SPRED1: variants seen among roughly 807,000 people sequenced by gnomAD.
SPRED1 encodes sprouty-related, EVH1 domain-containing protein 1.
Under a neutral mutation model 52.3 loss-of-function variants are expected in SPRED1, and 18 were observed. The ratio of observed to expected loss-of-function variants is 0.34; its 90% CI spans 0.24 to 0.51. The LOEUF is 0.51. Ranked by LOEUF, SPRED1 falls within the 20% of genes least tolerant of loss-of-function variation. The pLI, the probability that SPRED1 is intolerant of heterozygous loss-of-function variation, is 0.97. For synonymous variants in SPRED1, 155 were observed against 179.7 expected (o/e 0.86, Z 1.10); for missense variants, 485 against 551.0 (o/e 0.88, Z 1.20).
chr15:38,253,200 G>C lies in SPRED1; in HGVS notation c.15G>C (p.Thr5=), dbSNP rs1278027767. Reference sequence around the variant, plus strand: ...GTGAGGGAAAGATGAGCGAGGAGACGGCGACTTCTGACAACGAGTAAGCGC... The same window carrying C: ...GTGAGGGAAAGATGAGCGAGGAGACCGCGACTTCTGACAACGAGTAAGCGC... MSEE[T]ATSDNDNSYA... Residue 5 remains threonine (T), a synonymous_variant, in exon 1 of 7, where the codon ACG becomes ACC. Coordinates refer to ENST00000299084, the MANE Select transcript of SPRED1 (RefSeq NM_152594.3). The C allele has an allele frequency of 3.8e-6, 6 of 1,580,576 alleles. No homozygotes were observed. Among genetic ancestry groups the C allele is most frequent in the East Asian group, 2.3e-5 (1 of 43,124 alleles).
At chr15:38,336,336 G>A (rs1339231235) in intron 4 of SPRED1, among the ~76,000 whole-genome samples, 2 of 148,368 alleles carry the variant, frequency 1.3e-5, no homozygotes, top group Non-Finnish European at 3.0e-5. Context: ...ACAAAAATAT[G>A]GAACCAGCCC....
chr15:38,260,573 T>C (rs1251059739), intron 1 of SPRED1, among the ~76,000 whole-genome samples: 1 of 152,202 alleles, frequency 6.6e-6, no homozygotes, highest in Non-Finnish European at 1.5e-5. Flanking sequence ...TTTATAGTCA[T>C]CACTAATTTG....
chr15:38,332,446 A>G (rs1895823714), intron 4 of SPRED1, among the ~76,000 whole-genome samples: 1 of 152,044 alleles, frequency 6.6e-6, no homozygotes, highest in Non-Finnish European at 1.5e-5. Flanking sequence ...GATGGAGTCC[A>G]CCTGTAGTCC....
chr15:38,253,032 A>G lies in SPRED1; in HGVS notation c.-154A>G. On this transcript the variant is annotated 5_prime_UTR_variant, in exon 1 of 7. Coordinates refer to ENST00000299084, the MANE Select transcript of SPRED1 (RefSeq NM_152594.3). Reference sequence around the variant, plus strand: ...GGCCGGGGTTCCCGGCTGGGGGGGTACCGTTCTGGGTGAGGCATCCACCAT... The same window carrying G: ...GGCCGGGGTTCCCGGCTGGGGGGGTGCCGTTCTGGGTGAGGCATCCACCAT... The G allele has an allele frequency of 1.4e-6, 1 of 693,908 alleles. No homozygotes were observed. The highest frequency in any genetic ancestry group is 2.6e-6 in the Non-Finnish European group (1 of 388,156). The allele number at this position is 693,908 out of a possible 1,614,324, so 43.0% of individuals were successfully genotyped here. A position where few individuals can be genotyped will look rare whatever the true frequency, so the allele number is the denominator to read the frequency against.
At chr15:38,320,848 A>G (rs991306347) in intron 2 of SPRED1, among the ~76,000 whole-genome samples, 2 of 152,344 alleles carry the variant, frequency 1.3e-5, no homozygotes, top group African/African-American at 2.4e-5. Flanking sequence ...GACAACTAAC[A>G]TATATTAAAA....
At chr15:38,323,857 G>A (rs965082862) in intron 3 of SPRED1, among the ~76,000 whole-genome samples, 1 of 152,116 alleles carries the variant, frequency 6.6e-6, no homozygotes, top group Non-Finnish European at 1.5e-5. Flanking sequence ...TTATGCTCAT[G>A]TACCATAACA....
rs373463622 is a variant in SPRED1, at chr15:38,310,153, G to GTGTGTGTGTTTT, written c.207+10607_207+10608insGTGTGTGTTTTT. On this transcript the variant is annotated intron_variant, in intron 2 of 6. Transcript: ENST00000299084. ...TGTGTGTGTGTGTGTGTGTGTGTGT[G>GTGTGTGTGTTTT]TTTGGAGACGAAGTTTCGCTCTTGT... 8.1e-4 allele frequency among the ~76,000 whole-genome samples: 107 copies of GTGTGTGTGTTTT among 132,266 alleles called. 2 individuals carry two copies. In the South Asian group the frequency reaches 0.013, roughly 16 times the overall value. The allele number at this position is 132,266 out of a possible 152,430, so 86.8% of individuals were successfully genotyped here. A position where few individuals can be genotyped will look rare whatever the true frequency, so the allele number is the denominator to read the frequency against.
intron 4 of SPRED1, among the ~76,000 whole-genome samples, chr15:38,333,365 T>C (rs1195625532): frequency 6.6e-6 from 1 of 152,068 alleles, no homozygotes; most frequent in Non-Finnish European, 1.5e-5. Flanking sequence ...AAACATCAGA[T>C]GCTAACAGAA....
intron 1 of SPRED1, among the ~76,000 whole-genome samples, chr15:38,272,485 G>T (rs1348472286): frequency 6.6e-6 from 1 of 152,092 alleles, no homozygotes; most frequent in Non-Finnish European, 1.5e-5. Context: ...GGCTAGGCTG[G>T]TCTCGAACTC....
intron 2 of SPRED1, among the ~76,000 whole-genome samples, chr15:38,308,023 T>C (rs1039977209): frequency 6.6e-6 from 1 of 152,178 alleles, no homozygotes; most frequent in African/African-American, 2.4e-5. Flanking sequence ...TCTTTGGGAA[T>C]TTAAAGGAAT....
chr15:38,338,265 T>A (rs2141006599), intron 4 of SPRED1, among the ~76,000 whole-genome samples: 1 of 147,676 alleles, frequency 6.8e-6, no homozygotes, highest in East Asian at 2.0e-4. Flanking sequence ...GACAAGATTC[T>A]AACTTAGGTC....
intron 1 of SPRED1, among the ~76,000 whole-genome samples, chr15:38,277,265 GT>G (rs1322787675): frequency 1.3e-5 from 2 of 152,016 alleles, no homozygotes; most frequent in African/African-American, 4.8e-5. Context: ...TTTTTGATCT[GT>G]TCCCTCCTCC....
chr15:38,262,649 A>G (rs555234608), intron 1 of SPRED1, among the ~76,000 whole-genome samples: 65 of 152,314 alleles, frequency 4.3e-4, no homozygotes, highest in African/African-American at 1.4e-3. Context: ...TATATCACCA[A>G]CTGTGGGGCA....
intron 2 of SPRED1, among the ~76,000 whole-genome samples, chr15:38,315,450 G>C (rs1393351556): frequency 2.0e-5 from 3 of 151,800 alleles, no homozygotes; most frequent in African/African-American, 2.4e-5. Flanking sequence ...TTTTGGCTTG[G>C]TCTATTTTAA....
At chr15:38,322,464 T>C in intron 3 of SPRED1, 55 bp downstream of exon 3, 11 of 1,580,468 alleles carry the variant, frequency 7.0e-6, no homozygotes, top group Non-Finnish European at 8.7e-6. Flanking sequence ...ATAGTAGAGG[T>C]TATCTTTCTT....
At chr15:38,284,247 G>C (rs940863310) in intron 1 of SPRED1, among the ~76,000 whole-genome samples, 3 of 152,010 alleles carry the variant, frequency 2.0e-5, no homozygotes, top group Non-Finnish European at 2.9e-5. Flanking sequence ...CTTAGTGGTG[G>C]GTCCTTAGGC....
At position 38,349,656 on chromosome 15, in the gene SPRED1, A is replaced by G. The variant is rs76305448; in HGVS notation, c.684+133A>G. ...TTTTCATTGTATAAATTTGCTGCCT[A>G]TGTGCTTAAACGCTGTTAGTTAAAA... On this transcript the variant is annotated intron_variant, in intron 6 of 6. Transcript: ENST00000299084. 2,268 of 665,446 alleles carry G rather than the reference A, an allele frequency of 3.4e-3. 38 individuals carry two copies. The African/African-American group carries it at 0.035, about 10-fold the overall frequency. The allele number at this position is 665,446 out of a possible 1,614,324, so 41.2% of individuals were successfully genotyped here.
chr15:38,272,198 C>T (rs987132973), intron 1 of SPRED1, among the ~76,000 whole-genome samples: 1 of 150,874 alleles, frequency 6.6e-6, no homozygotes, highest in Non-Finnish European at 1.5e-5. Context: ...ATCATGAGTG[C>T]ACGTGTCTTT....
At chr15:38,334,715 C>G (rs1895874826) in intron 4 of SPRED1, among the ~76,000 whole-genome samples, 1 of 151,840 alleles carries the variant, frequency 6.6e-6, no homozygotes, top group Non-Finnish European at 1.5e-5. Context: ...AATTTTTGAC[C>G]AGTTCCCTGC....
Sources: gnomAD v4.1 joint callset for allele counts (sites outside exome capture counted in the v4.1 genomes callset) on GRCh38, gnomAD v4.1.1 for gene constraint, MANE v1.5 for transcripts, NCBI Gene and HGNC (gene_info 2026-07-23, HGNC 2026-07-21) for gene names.